Variants in RUSC2 observed in about 807,000 individuals in gnomAD.
RUSC2 encodes the protein RUN and SH3 domain containing 2.
A neutral mutation model predicts 122.2 loss-of-function variants in RUSC2; 34 were observed. That is an observed-to-expected ratio of 0.28 (90% CI 0.21 to 0.37). The LOEUF (loss-of-function observed/expected upper bound fraction) is 0.37. RUSC2 is among the 10% of genes least tolerant of loss of function. RUSC2 has a pLI of 1.00. For synonymous variants in RUSC2, 784 were observed against 790.0 expected, an observed-to-expected ratio of 0.99 and a Z score of 0.13; for missense variants, 1,747 against 1,952.4, an observed-to-expected ratio of 0.89 and a Z score of 1.98.
chr9:35,539,429 T>C (rs1821598637), intron 1 of RUSC2, among the ~76,000 whole-genome samples: 1 of 151,354 alleles, frequency 6.6e-6, no homozygotes, highest in Non-Finnish European at 1.5e-5. Context: ...GATGGGGGAG[T>C]CAGATCTAGA....
At chr9:35,536,664 T>C (rs538313930) in intron 1 of RUSC2, among the ~76,000 whole-genome samples, 87 of 151,902 alleles carry the variant, frequency 5.7e-4, no homozygotes, top group Non-Finnish European at 9.7e-4. Flanking sequence ...AGTAAAAAAC[T>C]TAGCCGGGGC....
In RUSC2 at chr9:35,557,365, T is replaced by C. The variant is rs1822045052; in HGVS notation, c.2984-549T>C. ...TGCAAGTGGGCAGGGGAGTGAGGGG[T>C]GTACATATGAGATTGTTATGGATTT... On this transcript the variant is annotated intron_variant, in intron 5 of 11. Transcript: ENST00000361226. This position sits in a 1 kb window ranked among gnomAD's most constrained non-coding sequence, Gnocchi z 4.6. Among the ~76,000 whole-genome samples the C allele has an allele frequency of 6.6e-6, 1 of 151,646 alleles. No individual in the cohort carries two copies. The highest frequency in any genetic ancestry group is 1.5e-5 in the Non-Finnish European group (1 of 67,956).
chr9:35,552,168 C>G (rs1821913375), intron 2 of RUSC2, among the ~76,000 whole-genome samples: 1 of 152,034 alleles, frequency 6.6e-6, no homozygotes, highest in African/African-American at 2.4e-5. Context: ...CGAGACCAGC[C>G]TGGCCAACAT....
intron 1 of RUSC2, among the ~76,000 whole-genome samples, chr9:35,519,112 C>G (rs1821164174): frequency 6.6e-6 from 1 of 152,178 alleles, no homozygotes. Flanking sequence ...CTGTTTAATG[C>G]TGAACTGTTT....
intron 2 of RUSC2, among the ~76,000 whole-genome samples, chr9:35,552,685 T>C (rs892909999): frequency 1.3e-5 from 2 of 152,178 alleles, no homozygotes; most frequent in African/African-American, 4.8e-5. Context: ...TTCCATTGAG[T>C]TCTGGGTACC....
At position 35,557,949 on chromosome 9, in the gene RUSC2, A is replaced by G. The variant is rs757282630; in HGVS notation, c.3019A>G (p.Ile1007Val). 5 of 1,613,948 alleles carry G rather than the reference A, an allele frequency of 3.1e-6. No individual in the cohort carries two copies. The highest frequency in any genetic ancestry group is 4.2e-6 in the Non-Finnish European group (5 of 1,179,958). ...AGCTGTTAACATCGCTGTGGACCTC[A>G]TTGTGGCTCATTTTGGCACAAGCCG... ...VKAVNIAVDL[I>V]VAHFGTSRDP... Residue 1007 changes from isoleucine (I) to valine (V), a missense_variant, in exon 6 of 12, where the codon ATT becomes GTT. By Grantham distance (29) the Ile-to-Val change is conservative. Transcript: ENST00000361226. This position sits in a 1 kb window ranked among gnomAD's most constrained non-coding sequence, Gnocchi z 4.6.
chr9:35,544,523 G>T (rs1408735675), intron 1 of RUSC2, among the ~76,000 whole-genome samples: 2 of 152,020 alleles, frequency 1.3e-5, no homozygotes, highest in Non-Finnish European at 2.9e-5. Flanking sequence ...GGCCAGGATG[G>T]TCTCTGTCTC....
rs1016239769 is a variant in RUSC2, at chr9:35,513,919, T to C, written c.-93+23747T>C. 9.8e-4 allele frequency among the ~76,000 whole-genome samples: 141 copies of C among 143,848 alleles called. 1 individual carries two copies. Among genetic ancestry groups the C allele is most frequent in the African/African-American group, 3.4e-3 (134 of 39,114 alleles). The allele number at this position is 143,848 out of a possible 152,430, so 94.4% of individuals were successfully genotyped here. ...TTCAACAAACATATATATATATATA[T>C]ATATATATATATATATATATTACTT... is the stretch of plus-strand genomic sequence containing the variant. On this transcript the variant is annotated intron_variant, in intron 1 of 11. Transcript: ENST00000361226.
At chr9:35,526,947 T>G (rs538104724) in intron 1 of RUSC2, among the ~76,000 whole-genome samples, 1 of 152,206 alleles carries the variant, frequency 6.6e-6, no homozygotes, top group South Asian at 2.1e-4. Flanking sequence ...TCTCCTTGAT[T>G]CTCTACCAAA....
At chr9:35,507,505 C>T in intron 1 of RUSC2, 1 of 165,240 alleles carries the variant, frequency 6.1e-6, no homozygotes, top group Non-Finnish European at 1.3e-5. Context: ...GTTGTACAGG[C>T]CAGCATATTT....
At chr9:35,498,255 A>G (rs938177702) in intron 1 of RUSC2, among the ~76,000 whole-genome samples, 1 of 152,050 alleles carries the variant, frequency 6.6e-6, no homozygotes, top group African/African-American at 2.4e-5. Flanking sequence ...ATGGCAAAAG[A>G]ATGCCAGGTT....
At chr9:35,494,586 T>TTTG (rs1820637291) in intron 1 of RUSC2, among the ~76,000 whole-genome samples, 1 of 152,202 alleles carries the variant, frequency 6.6e-6, no homozygotes, top group Admixed American at 6.5e-5. Flanking sequence ...CTATCGGCCA[T>TTTG]TTGTATATCT....
intron 1 of RUSC2, among the ~76,000 whole-genome samples, chr9:35,498,347 C>T (rs559638341): frequency 3.3e-4 from 50 of 151,690 alleles, no homozygotes; most frequent in Non-Finnish European, 6.0e-4. Context: ...GAGACCAGCC[C>T]GGCCAAAATG....
chr9:35,532,976 T>C (rs1045754455), intron 1 of RUSC2, among the ~76,000 whole-genome samples: 2 of 152,094 alleles, frequency 1.3e-5, no homozygotes, highest in Non-Finnish European at 2.9e-5. Flanking sequence ...CTGGGTGTGG[T>C]GGCTCACGCC....
Position 35,547,912 on chromosome 9 carries a change from C to T in RUSC2, c.1391C>T (p.Ser464Phe), listed in dbSNP as rs369004914. 49 of 1,614,100 alleles carry T rather than the reference C, an allele frequency of 3.0e-5. No homozygotes were observed. Among genetic ancestry groups the T allele is most frequent in the Admixed American group, 6.7e-5 (4 of 60,010 alleles). Residue 464 changes from serine (S) to phenylalanine (F), a missense_variant, in exon 2 of 12, where the codon TCC becomes TTC. Transcript: ENST00000361226. This position sits in a 1 kb window ranked among gnomAD's most constrained non-coding sequence, Gnocchi z 4.6. ...QPEEQEAVSS[S>F]TQAAAAVGPT... ...GAGGAACAAGAAGCAGTGAGTTCCT[C>T]CACCCAAGCAGCAGCTGCTGTGGGC... is the stretch of plus-strand genomic sequence containing the variant.
At chr9:35,513,367 C>T (rs1821044877) in intron 1 of RUSC2, among the ~76,000 whole-genome samples, 1 of 151,978 alleles carries the variant, frequency 6.6e-6, no homozygotes. Context: ...CTCAGCCTCC[C>T]GAGCAGCTGG....
In RUSC2 at chr9:35,547,092, T is replaced by C; in HGVS notation, c.571T>C (p.Cys191Arg). The C allele has an allele frequency of 6.2e-7, 1 of 1,614,074 alleles. No individual in the cohort carries two copies. ...TCAGCAGTGCGGCACCAGCCACTGC[T>C]GCCGGCCAGAGCTGGAAGCAGAGAC... ...DTQQCGTSHC[C>R]RPELEAETME... Residue 191 changes from cysteine to arginine, a missense_variant, in exon 2 of 12, where the codon TGC becomes CGC. Physicochemically the swap from Cys to Arg is radical, Grantham distance 180. Transcript: ENST00000361226. The surrounding 1 kb of genome is among the most constrained non-coding windows in gnomAD (Gnocchi z 4.6).
chr9:35,559,184 T>A (rs1822088315), intron 8 of RUSC2, 42 bp from the exon 9 acceptor site: 5 of 1,537,132 alleles, frequency 3.3e-6, no homozygotes, highest in Non-Finnish European at 4.5e-6. Flanking sequence ...TATCTGGCTG[T>A]ATTCACACAA....
At chr9:35,529,655 T>A (rs967115105) in intron 1 of RUSC2, among the ~76,000 whole-genome samples, 1 of 151,448 alleles carries the variant, frequency 6.6e-6, no homozygotes, top group Non-Finnish European at 1.5e-5. Flanking sequence ...TTGCAACCTT[T>A]ACAGCCTTTG....
Sources: gnomAD v4.1 joint callset for allele counts (sites outside exome capture counted in the v4.1 genomes callset) on GRCh38, gnomAD v4.1.1 for gene constraint, Gnocchi (gnomAD v3.1) non-coding constraint, MANE v1.5 for transcripts, NCBI Gene and HGNC (gene_info 2026-07-23, HGNC 2026-07-21) for gene names.